The following DCC variants were observed in gnomAD, a reference collection of about 807,000 sequenced individuals.
DCC encodes the protein DCC netrin 1 receptor.
Under a neutral mutation model 172.5 loss-of-function variants are expected in DCC, and 58 were observed. The observed-to-expected ratio is 0.34, with a 90% confidence interval of 0.27 to 0.42. DCC has a LOEUF of 0.42. DCC is among the 10% of genes least tolerant of loss of function. The pLI is 1.00. For synonymous variants in DCC, 709 were observed against 644.5 expected, an observed-to-expected ratio of 1.10 and a Z score of -1.52; for missense variants, 1,740 against 1,791.0, an observed-to-expected ratio of 0.97 and a Z score of 0.51.
At chr18:52,714,384 C>G (rs190532190) in intron 1 of DCC, among the ~76,000 whole-genome samples, 1 of 152,104 alleles carries the variant, frequency 6.6e-6, no homozygotes, top group African/African-American at 2.4e-5. Context: ...ACAGACAAAG[C>G]AACAAGAGAG....
At chr18:52,998,452 TTTCTC>T (rs2041517508) in intron 5 of DCC, among the ~76,000 whole-genome samples, 1 of 152,080 alleles carries the variant, frequency 6.6e-6, no homozygotes, top group African/African-American at 2.4e-5. Context: ...CGAAGGTAGA[TTTCTC>T]TTAATAGACT....
At chr18:53,263,016 A>G (rs755746849) in intron 12 of DCC, among the ~76,000 whole-genome samples, 2 of 152,232 alleles carry the variant, frequency 1.3e-5, no homozygotes, top group African/African-American at 2.4e-5. Flanking sequence ...GAAAGTTCCA[A>G]TAAGAACTGG....
At chr18:53,198,597 G>A (rs2144531010) in intron 9 of DCC, among the ~76,000 whole-genome samples, 1 of 152,110 alleles carries the variant, frequency 6.6e-6, no homozygotes, top group South Asian at 2.1e-4. Flanking sequence ...TCATTATAAA[G>A]TGCTCTGTTA....
In DCC at chr18:53,488,932, G is replaced by A. The variant is rs913301817; in HGVS notation, c.3898+1974G>A. The stretch of plus-strand genomic sequence containing the variant: ...CCAGCATTTTGGGAGGCTGAGGCAG[G>A]CAGATCACGAGGTCAAGACATCGAG... On this transcript the variant is annotated intron_variant, in intron 26 of 28. Transcript: ENST00000442544. Among the ~76,000 whole-genome samples the A allele has an allele frequency of 5.9e-5, 9 of 152,062 alleles. No individual in the cohort carries two copies. The South Asian group carries it at 1.0e-3, about 18-fold the overall frequency.
intron 7 of DCC, among the ~76,000 whole-genome samples, chr18:53,072,298 TAATTA>T (rs942029507): frequency 6.6e-6 from 1 of 152,166 alleles, no homozygotes; most frequent in African/African-American, 2.4e-5. Flanking sequence ...AGGTAGGCAG[TAATTA>T]AATTAAGGAC....
At chr18:53,336,851 G>A (rs1019262101) in intron 14 of DCC, among the ~76,000 whole-genome samples, 1 of 152,164 alleles carries the variant, frequency 6.6e-6, no homozygotes, top group Non-Finnish European at 1.5e-5. Context: ...AATCCAGCCT[G>A]GGAGATAGAA....
At chr18:53,454,181 C>G (rs368214613) in intron 23 of DCC, among the ~76,000 whole-genome samples, 9 of 152,264 alleles carry the variant, frequency 5.9e-5, no homozygotes, top group African/African-American at 2.2e-4. Context: ...GACCTTATCT[C>G]TAAAAAATTT....
intron 2 of DCC, among the ~76,000 whole-genome samples, chr18:52,846,380 A>C (rs1001235475): frequency 1.6e-4 from 24 of 151,982 alleles, no homozygotes; most frequent in African/African-American, 5.6e-4. Flanking sequence ...TTCTCCACAA[A>C]AATACAGAAA....
chr18:52,419,986 CT>C (rs1232095791), intron 1 of DCC, among the ~76,000 whole-genome samples: 1 of 152,110 alleles, frequency 6.6e-6, no homozygotes, highest in Non-Finnish European at 1.5e-5. Flanking sequence ...GACTGAGTGA[CT>C]TTTCTAATGT....
chr18:53,458,989 G>A (rs2045516333), intron 23 of DCC, among the ~76,000 whole-genome samples: 1 of 152,100 alleles, frequency 6.6e-6, no homozygotes, highest in Non-Finnish European at 1.5e-5. Context: ...CTGGAGAAAG[G>A]AGCTCTCTGC....
At chr18:53,189,451 T>C (rs941872395) in intron 9 of DCC, among the ~76,000 whole-genome samples, 9 of 151,514 alleles carry the variant, frequency 5.9e-5, no homozygotes, top group Admixed American at 5.9e-4. Context: ...ATAGTGTATA[T>C]ATATATAATT....
chr18:52,549,425 A>G (rs574818407), intron 1 of DCC, among the ~76,000 whole-genome samples: 29 of 152,126 alleles, frequency 1.9e-4, no homozygotes, highest in African/African-American at 7.0e-4. Context: ...TTATAAGCAC[A>G]GTCCACTTTT....
chr18:52,775,007 T>C (rs907745836), intron 2 of DCC, among the ~76,000 whole-genome samples: 3 of 151,746 alleles, frequency 2.0e-5, no homozygotes, highest in African/African-American at 7.3e-5. Context: ...CCAGTTAGAG[T>C]GGAGTTTTTT....
intron 22 of DCC, among the ~76,000 whole-genome samples, chr18:53,443,214 G>A (rs1912385187): frequency 6.6e-6 from 1 of 152,128 alleles, no homozygotes; most frequent in African/African-American, 2.4e-5. Flanking sequence ...AGTTTCAAAG[G>A]ACAGGCTGAC....
At chr18:52,448,186 T>C (rs1004638981) in intron 1 of DCC, among the ~76,000 whole-genome samples, 1 of 152,184 alleles carries the variant, frequency 6.6e-6, no homozygotes, top group Non-Finnish European at 1.5e-5. Context: ...TGAACCCTAC[T>C]GTGAACTGCA....
At position 53,517,567 on chromosome 18, in the gene DCC, C is replaced by T. The variant is rs558885219; in HGVS notation, c.4112-9050C>T. On this transcript the variant is annotated intron_variant, in intron 27 of 28. Coordinates refer to ENST00000442544, the MANE Select transcript of DCC (RefSeq NM_005215.4). ...GTAACCATTAGTACCTTAACCCTCT[C>T]GTCTCATTTTTCACAGACAGGTGGC... Among the ~76,000 whole-genome samples the T allele has an allele frequency of 7.9e-5, 12 of 152,108 alleles. No individual in the cohort carries two copies. The East Asian group carries it at 2.1e-3, about 27-fold the overall frequency.
intron 1 of DCC, among the ~76,000 whole-genome samples, chr18:52,555,496 T>G (rs1198402006): frequency 6.6e-6 from 1 of 152,104 alleles, no homozygotes; most frequent in Non-Finnish European, 1.5e-5. Flanking sequence ...GTTATGCCAG[T>G]AGAGCCCTAT....
Position 52,371,289 on chromosome 18 carries a change from A to C in DCC, c.91+30411A>C, listed in dbSNP as rs13381749. On this transcript the variant is annotated intron_variant, in intron 1 of 28. Transcript: ENST00000442544. ...CTATGTTTGTGTATATGAATGAATGAGTGGATACAATCTGGGAAATACCAA... is the reference window on the plus strand; with the variant it reads ...CTATGTTTGTGTATATGAATGAATGCGTGGATACAATCTGGGAAATACCAA... 4.3e-3 allele frequency among the ~76,000 whole-genome samples: 659 copies of C among 152,324 alleles called. 6 individuals carry two copies. The highest frequency in any genetic ancestry group is 0.015 in the African/African-American group (629 of 41,576).
At chr18:52,798,828 C>G (rs2037927311) in intron 2 of DCC, among the ~76,000 whole-genome samples, 1 of 151,966 alleles carries the variant, frequency 6.6e-6, no homozygotes, top group South Asian at 2.1e-4. Flanking sequence ...TCTTGTCTCC[C>G]TGCAACCTCC....
Sources: allele counts gnomAD v4.1 joint callset (sites outside exome capture counted in the v4.1 genomes callset), GRCh38; gene constraint gnomAD v4.1.1; transcripts MANE v1.5; gene names NCBI Gene and HGNC (gene_info 2026-07-23, HGNC 2026-07-21).